The following MLIP variants were observed in gnomAD, a reference collection of about 807,000 sequenced individuals.
MLIP encodes muscular LMNA interacting protein.
MLIP carries 79 observed loss-of-function variants against 84.8 expected under a neutral mutation model. That is an observed-to-expected ratio of 0.93 (90% CI 0.78 to 1.12). The LOEUF (loss-of-function observed/expected upper bound fraction) is 1.12, where lower values mean the gene tolerates loss of function less well. Ranked by LOEUF, MLIP falls within the 50% of genes most tolerant of loss-of-function variation. The probability of loss-of-function intolerance (pLI) is 0.00; values close to 1 mark genes in which losing one functional copy is unlikely to be tolerated. For synonymous variants in MLIP, 504 were observed against 463.0 expected (o/e 1.09, Z -1.14); for missense variants, 1,257 against 1,160.6 (o/e 1.08, Z -1.21).
In MLIP at chr6:54,251,029, T is replaced by C. The variant is rs1782438842; in HGVS notation, c.2923-6279T>C. ...GGTGACAACGTCTGTTCACTGATTG[T>C]TATATCCTTAACATCTAGCCAAGTG... is the stretch of plus-strand genomic sequence containing the variant. On this transcript the variant is annotated intron_variant, in intron 12 of 13. Coordinates refer to ENST00000502396, the MANE Select transcript of MLIP (RefSeq NM_001281747.2). Among the ~76,000 whole-genome samples, 3 of 152,046 alleles carry C rather than the reference T, an allele frequency of 2.0e-5. No individual in the cohort carries two copies. The Admixed American group carries it at 2.0e-4, about 10-fold the overall frequency.
At chr6:54,123,874 CTG>C (rs1283958964) in intron 2 of MLIP, among the ~76,000 whole-genome samples, 4 of 152,150 alleles carry the variant, frequency 2.6e-5, no homozygotes, top group Admixed American at 6.5e-5. Flanking sequence ...TGGGAAAAGA[CTG>C]AGAATTACAA....
intron 11 of MLIP, among the ~76,000 whole-genome samples, chr6:54,228,887 T>C (rs1780789080): frequency 6.6e-6 from 1 of 152,234 alleles, no homozygotes; most frequent in African/African-American, 2.4e-5. Flanking sequence ...ATTAATCACT[T>C]TCACACTGAT....
chr6:54,147,728 T>G (rs912845617), intron 4 of MLIP, among the ~76,000 whole-genome samples: 2 of 152,170 alleles, frequency 1.3e-5, no homozygotes, highest in Non-Finnish European at 2.9e-5. Flanking sequence ...TGAGTACATA[T>G]GTATATATGT....
intron 1 of MLIP, among the ~76,000 whole-genome samples, chr6:54,093,318 A>G (rs1767978742): frequency 7.9e-6 from 1 of 127,282 alleles, no homozygotes; most frequent in Non-Finnish European, 1.8e-5. Context: ...TTATTAATAT[A>G]TTTTCGATTA....
chr6:54,049,617 T>TA (rs1469309901), intron 1 of MLIP, among the ~76,000 whole-genome samples: 1 of 152,160 alleles, frequency 6.6e-6, no homozygotes, highest in Non-Finnish European at 1.5e-5. Context: ...CTTTATTATG[T>TA]AGAGATGCTT....
intron 11 of MLIP, chr6:54,216,467 C>T (rs1779861017): frequency 1.0e-6 from 1 of 985,358 alleles, no homozygotes; most frequent in Non-Finnish European, 1.2e-6. Flanking sequence ...CTTTCTTTTC[C>T]CTTGAGTGTA....
chr6:54,216,615 AT>A (rs1779870997), intron 11 of MLIP: 1 of 971,160 alleles, frequency 1.0e-6, no homozygotes, highest in Admixed American at 6.2e-5. Flanking sequence ...ATCTTTTTTT[AT>A]ATAGAGGATT....
chr6:54,126,566 T>C (rs1277840256), intron 3 of MLIP, among the ~76,000 whole-genome samples: 1 of 151,916 alleles, frequency 6.6e-6, no homozygotes, highest in Non-Finnish European at 1.5e-5. Flanking sequence ...ACAATTACCA[T>C]TGCTCTTGTT....
In MLIP at chr6:54,140,645, A is replaced by G. The variant is rs544984602; in HGVS notation, c.2217+2359A>G. On this transcript the variant is annotated intron_variant, in intron 4 of 13. Transcript: ENST00000502396. ...GTTTATTTTCTCCTTGCATCTTGCT[A>G]TATTATCTCTTTAGGTAAAAATCAG... Among the ~76,000 whole-genome samples, 6 of 152,262 alleles carry G rather than the reference A, an allele frequency of 3.9e-5. No individual in the cohort carries two copies. The South Asian group carries it at 8.3e-4, about 21-fold the overall frequency.
intron 1 of MLIP, among the ~76,000 whole-genome samples, chr6:54,067,636 A>G (rs1561904896): frequency 9.9e-6 from 1 of 101,446 alleles, no homozygotes. Context: ...ACAGGCAATC[A>G]GCATTTTGAG....
At chr6:54,038,817 A>G (rs1352473964) in intron 1 of MLIP, among the ~76,000 whole-genome samples, 1 of 151,910 alleles carries the variant, frequency 6.6e-6, no homozygotes, top group African/African-American at 2.4e-5. Context: ...TTATCCAGCA[A>G]ACAAATCAGT....
At chr6:54,243,931 G>T (rs1215858786) in intron 12 of MLIP, among the ~76,000 whole-genome samples, 1 of 152,100 alleles carries the variant, frequency 6.6e-6, no homozygotes. Flanking sequence ...GCAGAGCCTG[G>T]GCTTATGAAT....
intron 1 of MLIP, among the ~76,000 whole-genome samples, chr6:54,068,955 A>G (rs930931402): frequency 9.9e-6 from 1 of 100,790 alleles, no homozygotes; most frequent in Non-Finnish European, 2.9e-5. Flanking sequence ...CAGGTGGTGT[A>G]GCTATGAAAT....
rs766590819 is a variant in MLIP, at chr6:54,138,194, C to A, written c.2125C>A (p.Pro709Thr). The A allele has an allele frequency of 1.4e-5, 21 of 1,536,120 alleles. No homozygotes were observed. The South Asian group carries it at 2.4e-4, about 17-fold the overall frequency. The change falls in exon 4 of 14, where the codon CCA (proline) becomes ACA (threonine). Residue 709 changes from proline to threonine, a missense_variant. Transcript: ENST00000502396. ...TPNHRSPVST[P>T]SLPISLTRTE... The stretch of plus-strand genomic sequence containing the variant: ...CAACCACAGGTCACCTGTTTCAACC[C>A]CATCACTTCCCATATCTCTAACAAG...
intron 7 of MLIP, 44 bp downstream of exon 7, chr6:54,160,643 C>T: frequency 6.4e-7 from 1 of 1,551,676 alleles, no homozygotes; most frequent in Non-Finnish European, 8.9e-7. Flanking sequence ...ATTTGCTTTG[C>T]TTCTCTTCAT....
Position 54,030,830 on chromosome 6 carries a change from C to G in MLIP, c.63+11739C>G, listed in dbSNP as rs1252724071. On this transcript the variant is annotated intron_variant, in intron 1 of 12. Transcript: ENST00000274897. Reference sequence around the variant, plus strand: ...TACCTACAGGCCAGATAATTTTACTCCAGACATTTATATGAAGCAAAGAAA... The same window carrying G: ...TACCTACAGGCCAGATAATTTTACTGCAGACATTTATATGAAGCAAAGAAA... Among the ~76,000 whole-genome samples, 8 of 152,042 alleles carry G rather than the reference C, an allele frequency of 5.3e-5. No homozygotes were observed. In the East Asian group the frequency reaches 1.4e-3, roughly 26 times the overall value.
intron 1 of MLIP, among the ~76,000 whole-genome samples, chr6:54,098,960 C>A (rs1475405149): frequency 1.3e-5 from 2 of 152,238 alleles, no homozygotes; most frequent in South Asian, 2.1e-4. Flanking sequence ...GAAGCCCAAG[C>A]AGTTTGGCTG....
chr6:54,111,683 A>T, intron 1 of MLIP, 108 bp downstream of exon 1: 3 of 1,106,722 alleles, frequency 2.7e-6, no homozygotes, highest in Non-Finnish European at 3.8e-6. Flanking sequence ...GTGAAGATAA[A>T]TTTGTATGTA....
At chr6:54,180,542 C>G (rs1182965919) in intron 9 of MLIP, among the ~76,000 whole-genome samples, 1 of 152,118 alleles carries the variant, frequency 6.6e-6, no homozygotes, top group Non-Finnish European at 1.5e-5. Context: ...TTTGTCTCCT[C>G]TGACTTTGCA....
Sources: allele counts gnomAD v4.1 joint callset (sites outside exome capture counted in the v4.1 genomes callset), GRCh38; gene constraint gnomAD v4.1.1; transcripts MANE v1.5; gene names NCBI Gene and HGNC (gene_info 2026-07-23, HGNC 2026-07-21).